The following VWA3B variants were observed in gnomAD, a reference collection of about 807,000 sequenced individuals.
VWA3B encodes the protein von Willebrand factor A domain containing 3B.
A neutral mutation model predicts 158.3 loss-of-function variants in VWA3B; 138 were observed. The observed-to-expected ratio is 0.87, with a 90% CI of 0.76 to 1.00. VWA3B has a LOEUF of 1.00. Ranked by LOEUF, VWA3B falls within the 50% of genes least tolerant of loss-of-function variation. VWA3B has a pLI of 0.00. For missense variants in VWA3B, 1,555 were observed against 1,565.1 expected, an observed-to-expected ratio of 0.99 and a Z score of 0.11; for synonymous variants, 596 against 587.3, an observed-to-expected ratio of 1.01 and a Z score of -0.21.
chr2:98,127,914 C>T (rs1675509284), intron 5 of VWA3B, among the ~76,000 whole-genome samples: 1 of 152,220 alleles, frequency 6.6e-6, no homozygotes, highest in Non-Finnish European at 1.5e-5. Flanking sequence ...GCCAGTCCTT[C>T]CTTCATTGCT....
At chr2:98,307,703 A>G (rs1371962589) in intron 26 of VWA3B, among the ~76,000 whole-genome samples, 3 of 152,220 alleles carry the variant, frequency 2.0e-5, no homozygotes, top group East Asian at 3.8e-4. Flanking sequence ...AGGAACCTCT[A>G]CTTTACTTTT....
At chr2:98,300,533 T>C (rs186911944) in intron 25 of VWA3B, among the ~76,000 whole-genome samples, 1 of 152,232 alleles carries the variant, frequency 6.6e-6, no homozygotes, top group East Asian at 1.9e-4. Context: ...CATCCTCGCG[T>C]CCTCATCCTC....
intron 7 of VWA3B, among the ~76,000 whole-genome samples, chr2:98,148,248 C>T (rs1256948367): frequency 6.6e-6 from 1 of 152,138 alleles, no homozygotes; most frequent in Non-Finnish European, 1.5e-5. Context: ...TTCACAGAAC[C>T]TGAATTAGCA....
At chr2:98,242,194 T>C (rs1653487423) in intron 19 of VWA3B, 1 of 455,502 alleles carries the variant, frequency 2.2e-6, no homozygotes, top group Non-Finnish European at 4.4e-6. Context: ...GCTCTTTGTT[T>C]CATTCATCAC....
At chr2:98,106,571 T>C (rs1673679425) in intron 2 of VWA3B, among the ~76,000 whole-genome samples, 1 of 152,206 alleles carries the variant, frequency 6.6e-6, no homozygotes, top group East Asian at 1.9e-4. Context: ...TTTCATCAGC[T>C]GTCTTAAAAT....
At chr2:98,181,446 C>G (rs758140295) in intron 9 of VWA3B, among the ~76,000 whole-genome samples, 11 of 152,160 alleles carry the variant, frequency 7.2e-5, no homozygotes, top group Non-Finnish European at 1.3e-4. Context: ...TGTACATAAG[C>G]CAGGGGCTGG....
chr2:98,114,059 G>A (rs1452800350), intron 2 of VWA3B, among the ~76,000 whole-genome samples: 1 of 152,156 alleles, frequency 6.6e-6, no homozygotes, highest in Non-Finnish European at 1.5e-5. Context: ...GCATGTTCTA[G>A]ATTGCTGTCT....
At position 98,270,746 on chromosome 2, in the gene VWA3B, C is replaced by A; in HGVS notation, c.2908C>A (p.Arg970=). The change falls in exon 22 of 28, where the codon CGG becomes AGG. Residue 970 remains arginine, a synonymous_variant. Coordinates refer to ENST00000477737, the MANE Select transcript of VWA3B (RefSeq NM_144992.5). ...NKTVLNQALE[R]LNWPISLKEL... The stretch of plus-strand genomic sequence containing the variant: ...AACAGTTTTAAACCAGGCTTTAGAA[C>A]GGTTGAATTGGCCCATTTCACTGAA... 1 of 1,614,052 alleles carries A rather than the reference C, an allele frequency of 6.2e-7. No individual in the cohort carries two copies. The highest frequency in any genetic ancestry group is 1.1e-5 in the South Asian group (1 of 91,076).
intron 22 of VWA3B, among the ~76,000 whole-genome samples, chr2:98,285,737 C>T (rs1689132699): frequency 6.6e-6 from 1 of 151,382 alleles, no homozygotes; most frequent in Non-Finnish European, 1.5e-5. Context: ...GTGTCCTCTG[C>T]ATTTATATGT....
intron 12 of VWA3B, among the ~76,000 whole-genome samples, chr2:98,202,701 A>G (rs1436141657): frequency 6.6e-6 from 1 of 152,156 alleles, no homozygotes; most frequent in African/African-American, 2.4e-5. Context: ...GCCTAATCTT[A>G]GATCCTGAAG....
intron 22 of VWA3B, among the ~76,000 whole-genome samples, chr2:98,289,100 A>G (rs544424034): frequency 5.3e-5 from 8 of 152,348 alleles, no homozygotes; most frequent in Non-Finnish European, 8.8e-5. Flanking sequence ...ACACTGGCCA[A>G]TTGAAGAATG....
chr2:98,221,161 T>C (rs1684470373), intron 14 of VWA3B, among the ~76,000 whole-genome samples: 1 of 152,092 alleles, frequency 6.6e-6, no homozygotes, highest in Non-Finnish European at 1.5e-5. Flanking sequence ...CATTGTCGTG[T>C]CATTCTCCAA....
At chr2:98,220,735 G>A (rs1327896950) in intron 14 of VWA3B, among the ~76,000 whole-genome samples, 1 of 152,184 alleles carries the variant, frequency 6.6e-6, no homozygotes, top group African/African-American at 2.4e-5. Flanking sequence ...GCCCATCAAT[G>A]ATAGACTGGA....
intron 22 of VWA3B, among the ~76,000 whole-genome samples, chr2:98,282,411 A>G (rs987207980): frequency 7.9e-5 from 12 of 151,968 alleles, no homozygotes; most frequent in Admixed American, 3.3e-4. Flanking sequence ...GTTGGAAACA[A>G]AGCAGAGTAA....
rs1018707924 is a variant in VWA3B at position 98,289,508 on chromosome 2, C to T, written c.3046-1003C>T. 3.3e-5 allele frequency among the ~76,000 whole-genome samples: 5 copies of T among 152,202 alleles called. No individual in the cohort carries two copies. In the South Asian group the frequency reaches 6.2e-4, roughly 19 times the overall value. On this transcript the variant is annotated intron_variant, in intron 22 of 27. Coordinates refer to ENST00000477737, the MANE Select transcript of VWA3B (RefSeq NM_144992.5). Reference sequence around the variant, plus strand: ...AAAGCTCTACCCCACTGACTTCTAGCATCCACTGTTGCATCAACCAGGAGA... The same window carrying T: ...AAAGCTCTACCCCACTGACTTCTAGTATCCACTGTTGCATCAACCAGGAGA...
At chr2:98,165,883 G>A (rs1486058483) in intron 8 of VWA3B, among the ~76,000 whole-genome samples, 1 of 152,122 alleles carries the variant, frequency 6.6e-6, no homozygotes, top group Non-Finnish European at 1.5e-5. Flanking sequence ...CACCAAGCAG[G>A]GGACCCAGGC....
rs1399036917 is a variant in VWA3B, at chr2:98,119,518, A to G, written c.297A>G (p.Thr99=). 2 of 1,613,482 alleles carry G rather than the reference A, an allele frequency of 1.2e-6. No individual in the cohort carries two copies. The highest frequency in any genetic ancestry group is 2.2e-5 in the East Asian group (1 of 44,878). ...TGTCTTTTATTTTCATTAAGCTGAC[A>G]GCTAAATCAGAACTGATTTATCAGT... ...RAEDGRVYNL[T]AKSELIYQFV... The change falls in exon 4 of 28, where the codon ACA becomes ACG. Residue 99 remains threonine, a synonymous_variant. Transcript: ENST00000477737.
At chr2:98,178,762 T>G (rs1680225905) in intron 8 of VWA3B, among the ~76,000 whole-genome samples, 4 of 152,108 alleles carry the variant, frequency 2.6e-5, no homozygotes, top group Admixed American at 2.6e-4. Context: ...TAGAATCTAG[T>G]GGATGGGACT....
chr2:98,102,760 C>G (rs2104860106), intron 2 of VWA3B, among the ~76,000 whole-genome samples: 1 of 152,288 alleles, frequency 6.6e-6, no homozygotes, highest in South Asian at 2.1e-4. Context: ...AGTGTTCCTC[C>G]TCCTCTATGC....
Sources: gnomAD v4.1 joint callset for allele counts (sites outside exome capture counted in the v4.1 genomes callset) on GRCh38, gnomAD v4.1.1 for gene constraint, MANE v1.5 for transcripts, NCBI Gene and HGNC (gene_info 2026-07-23, HGNC 2026-07-21) for gene names.